The following STXBP3 variants were observed in gnomAD, a reference collection of about 807,000 sequenced individuals.
The protein encoded by STXBP3 is syntaxin-binding protein 3.
A neutral mutation model predicts 85.7 loss-of-function variants in STXBP3; 41 were observed. The observed-to-expected ratio is 0.48, with a 90% confidence interval of 0.37 to 0.62. The LOEUF (loss-of-function observed/expected upper bound fraction) is 0.62, where lower values mean the gene tolerates loss of function less well. Among genes scored for constraint, STXBP3 ranks in the 20% least tolerant of loss-of-function variants. The pLI, the probability that STXBP3 is intolerant of heterozygous loss-of-function variation, is 0.00. For synonymous variants in STXBP3, 229 were observed against 231.7 expected (o/e 0.99, Z 0.10); for missense variants, 563 against 703.1 (o/e 0.80, Z 2.25).
rs1320597846 is a variant in STXBP3 at position 108,809,472 on chromosome 1, A to C, written c.*595A>C. On this transcript the variant is annotated 3_prime_UTR_variant, in exon 19 of 19. Coordinates refer to ENST00000370008, the MANE Select transcript of STXBP3 (RefSeq NM_007269.4). Reference sequence around the variant, plus strand: ...TGAAATCATGTATGTTTAAATTAGAAAACCAAAAATCATGAACATTCTAAG... The same window carrying C: ...TGAAATCATGTATGTTTAAATTAGACAACCAAAAATCATGAACATTCTAAG... 6.6e-6 allele frequency: 1 copy of C among 152,424 alleles called. No homozygotes were observed. Among genetic ancestry groups the C allele is most frequent in the South Asian group, 2.1e-4 (1 of 4,836 alleles). The allele number at this position is 152,424 out of a possible 1,614,324, so 9.4% of individuals were successfully genotyped here.
chr1:108,800,520 C>G (rs763263277), intron 17 of STXBP3, among the ~76,000 whole-genome samples: 18 of 151,988 alleles, frequency 1.2e-4, no homozygotes, highest in Non-Finnish European at 1.8e-4. Flanking sequence ...TATTTCCTTC[C>G]CCACCTCCTC....
At chr1:108,797,636 G>T (rs1220724165) in intron 15 of STXBP3, among the ~76,000 whole-genome samples, 2 of 151,952 alleles carry the variant, frequency 1.3e-5, no homozygotes, top group African/African-American at 4.8e-5. Flanking sequence ...TCAAACTCCT[G>T]ACCTCAGGTG....
chr1:108,773,535 C>G, intron 7 of STXBP3, among the ~76,000 whole-genome samples: 1 of 152,024 alleles, frequency 6.6e-6, no homozygotes, highest in East Asian at 1.9e-4. Context: ...TTAATAAAAA[C>G]AGGATCATTT....
chr1:108,790,321 A>C (rs893797713), intron 11 of STXBP3, among the ~76,000 whole-genome samples: 1 of 152,164 alleles, frequency 6.6e-6, no homozygotes, highest in African/African-American at 2.4e-5. Context: ...TTTTATCATC[A>C]TAAAATGTCC....
chr1:108,780,244 AT>A (rs894677460), intron 9 of STXBP3: 2 of 151,828 alleles, frequency 1.3e-5, no homozygotes, highest in Non-Finnish European at 2.9e-5. Flanking sequence ...TTTCTATTGT[AT>A]TTTTATTTGC....
At chr1:108,761,680 A>G (rs1311941094) in intron 6 of STXBP3, among the ~76,000 whole-genome samples, 2 of 152,086 alleles carry the variant, frequency 1.3e-5, no homozygotes, top group African/African-American at 4.8e-5. Context: ...GAGTCTTAGG[A>G]GGGTATACTT....
chr1:108,782,717 T>G lies in STXBP3; in HGVS notation c.963+11T>G, dbSNP rs775362035. On this transcript the variant is annotated intron_variant, in intron 11 of 18. Transcript: ENST00000370008. ...GCAACAGAAGGAAAGGTAAGAGTCT[T>G]ACTTAACTTTCAAAGTAATAGTGAA... 1 of 1,585,118 alleles carries G rather than the reference T, an allele frequency of 6.3e-7. No homozygotes were observed. Among genetic ancestry groups the G allele is most frequent in the Admixed American group, 1.9e-5 (1 of 53,844 alleles).
intron 6 of STXBP3, among the ~76,000 whole-genome samples, chr1:108,763,149 A>G (rs980530171): frequency 1.3e-5 from 2 of 152,222 alleles, no homozygotes; most frequent in Non-Finnish European, 2.9e-5. Flanking sequence ...GATAGATACA[A>G]TCTAGAATTT....
intron 6 of STXBP3, 98 bp downstream of exon 6, chr1:108,760,183 T>C: frequency 1.5e-6 from 1 of 661,326 alleles, no homozygotes; most frequent in South Asian, 2.5e-5. Flanking sequence ...TTTTTATATG[T>C]ATTTGGTGAA....
chr1:108,782,748 A>G, intron 11 of STXBP3, 42 bp downstream of exon 11: 10 of 1,510,478 alleles, frequency 6.6e-6, no homozygotes, highest in Non-Finnish European at 9.0e-6. Flanking sequence ...GTGAAGGTGA[A>G]TTTTAAAGTT....
chr1:108,759,903 C>T (rs1662101410), intron 5 of STXBP3, 82 bp from the exon 6 acceptor site: 24 of 813,134 alleles, frequency 3.0e-5, no homozygotes, highest in South Asian at 2.9e-4. Flanking sequence ...TTATGTATAA[C>T]TATTCTTGGA....
Position 108,800,299 on chromosome 1 carries a change from C to G in STXBP3, c.1529C>G (p.Ala510Gly). The change falls in exon 17 of 19, where the codon GCT (alanine) becomes GGT (glycine). Residue 510 changes from alanine to glycine, a missense_variant. By Grantham distance (60) the Ala-to-Gly change is moderately conservative. Transcript: ENST00000370008. Reference sequence around the variant, plus strand: ...CCAGCAGTATGGAATGGTTCAGGAGCTGTAAGGTAAATTCTACAAGTGAAA... The same window carrying G: ...CCAGCAGTATGGAATGGTTCAGGAGGTGTAAGGTAAATTCTACAAGTGAAA... ...QCPAVWNGSG[A>G]VSARQKPRAN... is the part of the protein sequence containing the mutation. The G allele has an allele frequency of 6.2e-7, 1 of 1,606,184 alleles. No individual in the cohort carries two copies. The highest frequency in any genetic ancestry group is 1.1e-5 in the South Asian group (1 of 90,750).
Position 108,746,797 on chromosome 1 carries a change from T to G in STXBP3, c.49+11T>G. On this transcript the variant is annotated intron_variant, in intron 1 of 18. Transcript: ENST00000370008. ...GCGTCGTGTGGCAGAGTGAGTGCGG[T>G]GGGGTAGGGGTTGAGAGAGGGAAGG... is the stretch of plus-strand genomic sequence containing the variant. 1 of 1,541,296 alleles carries G rather than the reference T, an allele frequency of 6.5e-7. No homozygotes were observed. Among genetic ancestry groups the G allele is most frequent in the Non-Finnish European group, 8.7e-7 (1 of 1,143,180 alleles).
rs2101134631 is a variant in STXBP3 at position 108,798,273 on chromosome 1, G to T, written c.1449+36G>T. The T allele has an allele frequency of 3.3e-6, 5 of 1,515,300 alleles. No homozygotes were observed. In the South Asian group the frequency reaches 5.7e-5, roughly 17 times the overall value. The allele number at this position is 1,515,300 out of a possible 1,614,324, so 93.9% of individuals were successfully genotyped here. ...TTAAAATGTTTTTTTCTACCTGAGTGCCCTCTTTAGAGTATTCTTTACTTT... is the reference window on the plus strand; with the variant it reads ...TTAAAATGTTTTTTTCTACCTGAGTTCCCTCTTTAGAGTATTCTTTACTTT... On this transcript the variant is annotated intron_variant, in intron 16 of 18. Transcript: ENST00000370008.
chr1:108,787,027 A>AT (rs985820833), intron 11 of STXBP3, among the ~76,000 whole-genome samples: 136 of 152,172 alleles, frequency 8.9e-4, no homozygotes, highest in African/African-American at 3.2e-3. Context: ...TATAAATGGT[A>AT]TTTTTTAAAT....
Position 108,776,297 on chromosome 1 carries a change from G to A in STXBP3, c.594-36G>A, listed in dbSNP as rs1326715780. 2.1e-6 allele frequency: 3 copies of A among 1,448,534 alleles called. No homozygotes were observed. The African/African-American group carries it at 4.2e-5, about 20-fold the overall frequency. The allele number at this position is 1,448,534 out of a possible 1,614,324, so 89.7% of individuals were successfully genotyped here. On this transcript the variant is annotated intron_variant, in intron 7 of 18. Coordinates refer to ENST00000370008, the MANE Select transcript of STXBP3 (RefSeq NM_007269.4). Reference sequence around the variant, plus strand: ...TGATATTATAAAGTATACACTGAAAGAAAGATAATTGTTTGATCCTTTTTT... The same window carrying A: ...TGATATTATAAAGTATACACTGAAAAAAAGATAATTGTTTGATCCTTTTTT...
chr1:108,796,809 G>A, intron 15 of STXBP3, 83 bp downstream of exon 15: 2 of 929,952 alleles, frequency 2.2e-6, no homozygotes, highest in South Asian at 2.6e-5. Context: ...TTTTTTATGT[G>A]GACAGTCTTC....
chr1:108,782,597 C>T, intron 10 of STXBP3, 52 bp from the exon 11 acceptor site: 1 of 1,596,952 alleles, frequency 6.3e-7, no homozygotes, highest in South Asian at 1.1e-5. Flanking sequence ...TAAAATAGTT[C>T]TGTAAAGAAT....
intron 8 of STXBP3, among the ~76,000 whole-genome samples, 171 bp from the exon 9 acceptor site, chr1:108,779,115 A>G (rs1662659893): frequency 6.6e-6 from 1 of 152,142 alleles, no homozygotes; most frequent in Non-Finnish European, 1.5e-5. Flanking sequence ...TTGTTTTATT[A>G]TAACTTCACA....
Sources: allele counts gnomAD v4.1 joint callset (sites outside exome capture counted in the v4.1 genomes callset), GRCh38; gene constraint gnomAD v4.1.1; transcripts MANE v1.5; gene names NCBI Gene and HGNC (gene_info 2026-07-23, HGNC 2026-07-21).